Variants in BRINP3 observed in about 807,000 individuals in gnomAD.
BRINP3 encodes the protein BMP/retinoic acid inducible neural specific 3, also known as BMP/retinoic acid-inducible neural-specific protein 3.
In BRINP3, 19 loss-of-function variants were observed where a neutral mutation model predicts 71.0. That is an observed-to-expected ratio of 0.27 (90% CI 0.19 to 0.39). The LOEUF (loss-of-function observed/expected upper bound fraction) is 0.39, where lower values mean the gene tolerates loss of function less well. Ranked by LOEUF, BRINP3 falls within the 10% of genes least tolerant of loss-of-function variation. The pLI is 1.00. For synonymous variants in BRINP3, 380 were observed against 337.7 expected, an observed-to-expected ratio of 1.13 and a Z score of -1.37; for missense variants, 959 against 940.8, an observed-to-expected ratio of 1.02 and a Z score of -0.25.
intron 2 of BRINP3, among the ~76,000 whole-genome samples, chr1:190,393,225 A>G (rs758456617): frequency 2.6e-5 from 4 of 151,692 alleles, no homozygotes; most frequent in Non-Finnish European, 4.4e-5. Flanking sequence ...TTAAATACAT[A>G]TTCATGTACA....
At chr1:190,108,820 CTT>C (rs2102273166) in intron 7 of BRINP3, among the ~76,000 whole-genome samples, 1 of 151,824 alleles carries the variant, frequency 6.6e-6, no homozygotes, top group East Asian at 1.9e-4. Flanking sequence ...AAATGAGTCT[CTT>C]TGGATGATAT....
At chr1:190,111,868 T>C (rs371906821) in intron 7 of BRINP3, among the ~76,000 whole-genome samples, 1 of 152,112 alleles carries the variant, frequency 6.6e-6, no homozygotes, top group African/African-American at 2.4e-5. Context: ...GAATGGAGAT[T>C]GGAGGACTGG....
intron 2 of BRINP3, among the ~76,000 whole-genome samples, chr1:190,446,645 C>A (rs1226883356): frequency 6.6e-6 from 1 of 151,992 alleles, no homozygotes; most frequent in South Asian, 2.1e-4. Flanking sequence ...CTGATGTTTC[C>A]ATTTTGCTTT....
intron 3 of BRINP3, among the ~76,000 whole-genome samples, chr1:190,279,668 G>T (rs185815082): frequency 6.6e-6 from 1 of 151,642 alleles, no homozygotes; most frequent in African/African-American, 2.4e-5. Context: ...ATTCCATGCC[G>T]GAGTTATTTT....
intron 2 of BRINP3, among the ~76,000 whole-genome samples, chr1:190,405,320 G>A (rs1169455322): frequency 2.0e-5 from 3 of 151,518 alleles, no homozygotes; most frequent in Non-Finnish European, 4.4e-5. Flanking sequence ...GCGTGGTGGC[G>A]GGCGCCTGTA....
intron 2 of BRINP3, among the ~76,000 whole-genome samples, chr1:190,443,429 G>T (rs1326378580): frequency 6.6e-6 from 1 of 150,926 alleles, no homozygotes; most frequent in Non-Finnish European, 1.5e-5. Flanking sequence ...GAAAAGAAAA[G>T]AAAAGAAAAT....
chr1:190,310,101 T>C (rs1226676033), intron 2 of BRINP3, among the ~76,000 whole-genome samples: 1 of 141,278 alleles, frequency 7.1e-6, no homozygotes, highest in Non-Finnish European at 1.5e-5. Context: ...TTTGTGGTTG[T>C]TGTTTTTTTT....
At chr1:190,345,854 C>G (rs189446384) in intron 2 of BRINP3, among the ~76,000 whole-genome samples, 2 of 151,732 alleles carry the variant, frequency 1.3e-5, no homozygotes, top group Non-Finnish European at 2.9e-5. Flanking sequence ...GAAATCATTG[C>G]CAATTATCTT....
At chr1:190,316,299 T>C (rs1006527963) in intron 2 of BRINP3, among the ~76,000 whole-genome samples, 3 of 152,156 alleles carry the variant, frequency 2.0e-5, no homozygotes, top group African/African-American at 7.2e-5. Context: ...GACTTCATTT[T>C]AGAGGTGAGA....
intron 4 of BRINP3, among the ~76,000 whole-genome samples, chr1:190,247,617 C>T (rs943270854): frequency 6.6e-6 from 1 of 151,792 alleles, no homozygotes; most frequent in South Asian, 2.1e-4. Flanking sequence ...CAAATCTATC[C>T]CCATCTTCCA....
chr1:190,099,185 T>C, intron 7 of BRINP3, 51 bp from the exon 8 acceptor site: 2 of 1,539,486 alleles, frequency 1.3e-6, no homozygotes, highest in Non-Finnish European at 1.8e-6. Context: ...ATATTCTGTG[T>C]ACTGCAGTAA....
At chr1:190,369,653 T>TA (rs36085995) in intron 2 of BRINP3, among the ~76,000 whole-genome samples, 114,567 of 151,098 alleles carry the variant, frequency 0.76, 43,576 homozygotes, top group Non-Finnish European at 0.79. Context: ...TGCATAGACT[T>TA]AAAAAAAAGT....
intron 5 of BRINP3, among the ~76,000 whole-genome samples, chr1:190,229,492 CA>C (rs199556464): frequency 0.012 from 1,802 of 151,974 alleles, 35 homozygotes; most frequent in East Asian, 0.055. Flanking sequence ...AGCATAAGAA[CA>C]GACTAATATG....
Position 190,278,062 on chromosome 1 carries a change from A to G in BRINP3, c.427+3498T>C, listed in dbSNP as rs1284732230. Reference sequence around the variant, plus strand: ...TTAAAGGCTTCAAGTATGGTACCCAAAGTTTTATGTCTACATCAATAATAT... The same window carrying G: ...TTAAAGGCTTCAAGTATGGTACCCAGAGTTTTATGTCTACATCAATAATAT... On this transcript the variant is annotated intron_variant, in intron 3 of 7. Transcript: ENST00000367462. Among the ~76,000 whole-genome samples the G allele has an allele frequency of 5.9e-5, 9 of 151,706 alleles. No individual in the cohort carries two copies. In the Admixed American group the frequency reaches 5.9e-4, roughly 10 times the overall value.
intron 7 of BRINP3, among the ~76,000 whole-genome samples, chr1:190,160,266 C>T (rs2488475): frequency 0.2 from 31,049 of 151,774 alleles, 3,537 homozygotes; most frequent in Middle Eastern, 0.29. Flanking sequence ...ATAGAAAATA[C>T]ATCTTGAATT....
intron 7 of BRINP3, among the ~76,000 whole-genome samples, chr1:190,135,112 T>C (rs1013203200): frequency 6.6e-6 from 1 of 152,110 alleles, no homozygotes; most frequent in African/African-American, 2.4e-5. Context: ...GAAACCTAGA[T>C]GAATTCTCCT....
chr1:190,177,905 A>G (rs996263881), intron 6 of BRINP3, among the ~76,000 whole-genome samples: 3 of 152,234 alleles, frequency 2.0e-5, no homozygotes, highest in Non-Finnish European at 4.4e-5. Context: ...CTGTACATGT[A>G]CAAACTTTTT....
chr1:190,308,952 T>C (rs1263668745), intron 2 of BRINP3, among the ~76,000 whole-genome samples: 1 of 151,882 alleles, frequency 6.6e-6, no homozygotes, highest in Non-Finnish European at 1.5e-5. Context: ...GATATATATG[T>C]AAAATAATTG....
intron 2 of BRINP3, among the ~76,000 whole-genome samples, chr1:190,435,932 T>C (rs895620476): frequency 6.6e-6 from 1 of 152,002 alleles, no homozygotes; most frequent in South Asian, 2.1e-4. Context: ...CTGTGAATTT[T>C]AGATAACTGA....
Sources: gnomAD v4.1 joint callset for allele counts (sites outside exome capture counted in the v4.1 genomes callset) on GRCh38, gnomAD v4.1.1 for gene constraint, MANE v1.5 for transcripts, NCBI Gene and HGNC (gene_info 2026-07-23, HGNC 2026-07-21) for gene names.